The following DNAJC1 variants were observed in gnomAD, a reference collection of about 807,000 sequenced individuals.
The protein encoded by DNAJC1 is DnaJ heat shock protein family (Hsp40) member C1, also known as dnaJ homolog subfamily C member 1.
DNAJC1 carries 58 observed loss-of-function variants against 76.6 expected under a neutral mutation model. The observed-to-expected ratio is 0.76, with a 90% CI of 0.61 to 0.94. DNAJC1 has a LOEUF of 0.94. Among genes scored for constraint, DNAJC1 ranks in the 40% least tolerant of loss-of-function variants. The probability of loss-of-function intolerance (pLI) is 0.00; values close to 1 mark genes in which losing one functional copy is unlikely to be tolerated. For synonymous variants in DNAJC1, 258 were observed against 267.9 expected, an observed-to-expected ratio of 0.96 and a Z score of 0.36; for missense variants, 689 against 677.3, an observed-to-expected ratio of 1.02 and a Z score of -0.19.
chr10:21,967,333 T>C (rs149591066), intron 1 of DNAJC1, among the ~76,000 whole-genome samples: 1 of 152,308 alleles, frequency 6.6e-6, no homozygotes, highest in East Asian at 1.9e-4. Context: ...ACAATGTTTT[T>C]GAGGTTCATC....
intron 8 of DNAJC1, among the ~76,000 whole-genome samples, chr10:21,819,867 T>C (rs1432049349): frequency 6.6e-6 from 1 of 152,116 alleles, no homozygotes; most frequent in Non-Finnish European, 1.5e-5. Context: ...GAGGCAGAGG[T>C]TGTAGCGAGC....
intron 7 of DNAJC1, among the ~76,000 whole-genome samples, chr10:21,893,732 T>C (rs999456148): frequency 6.6e-6 from 1 of 151,510 alleles, no homozygotes; most frequent in South Asian, 2.1e-4. Flanking sequence ...AAAAAAAGCC[T>C]CAAATTAATA....
At position 21,959,799 on chromosome 10, in the gene DNAJC1, AC is replaced by A. The variant is rs1331657412; in HGVS notation, c.223-30659del. Among the ~76,000 whole-genome samples the A allele has an allele frequency of 5.9e-3, 493 of 83,556 alleles. 5 individuals are homozygous for A. The highest frequency in any genetic ancestry group is 0.028 in the African/African-American group (484 of 17,570). The allele number at this position is 83,556 out of a possible 152,430, so 54.8% of individuals were successfully genotyped here. A position where few individuals can be genotyped will look rare whatever the true frequency, so the allele number is the denominator to read the frequency against. On this transcript the variant is annotated intron_variant, in intron 1 of 11. Coordinates refer to ENST00000376980, the MANE Select transcript of DNAJC1 (RefSeq NM_022365.4). ...AGACTCCATCTCAAAAAAAACAAAA[AC>A]AAAAAAAAAAAAAAGAAGAGAGAAA...
At chr10:21,870,312 T>C (rs1254519578) in intron 8 of DNAJC1, among the ~76,000 whole-genome samples, 3 of 152,096 alleles carry the variant, frequency 2.0e-5, no homozygotes, top group African/African-American at 7.2e-5. Context: ...AACTTGATTT[T>C]TTAAAAACTT....
chr10:21,897,154 A>G (rs1400884782), intron 7 of DNAJC1, among the ~76,000 whole-genome samples: 1 of 152,222 alleles, frequency 6.6e-6, no homozygotes, highest in Non-Finnish European at 1.5e-5. Context: ...GACACTGACA[A>G]TTACAGACCA....
At chr10:21,993,403 T>C (rs1473930317) in intron 1 of DNAJC1, among the ~76,000 whole-genome samples, 2 of 152,172 alleles carry the variant, frequency 1.3e-5, no homozygotes, top group Non-Finnish European at 2.9e-5. Flanking sequence ...AGGCAGGGCA[T>C]CACTATCTCA....
chr10:21,896,632 T>C (rs1340609693), intron 7 of DNAJC1, among the ~76,000 whole-genome samples: 1 of 152,216 alleles, frequency 6.6e-6, no homozygotes, highest in Non-Finnish European at 1.5e-5. Flanking sequence ...GATAAGACTA[T>C]AGACCTTAAA....
intron 9 of DNAJC1, among the ~76,000 whole-genome samples, chr10:21,779,846 A>C (rs1834504136): frequency 6.6e-6 from 1 of 152,202 alleles, no homozygotes; most frequent in Non-Finnish European, 1.5e-5. Flanking sequence ...AAAAACCTTG[A>C]AAAAAGATTA....
intron 8 of DNAJC1, among the ~76,000 whole-genome samples, chr10:21,813,096 C>CATATATATATATATATAT (rs373917334): frequency 2.8e-4 from 33 of 117,290 alleles, no homozygotes; most frequent in African/African-American, 9.9e-4. Context: ...TACACACACA[C>CATATATATATATATATAT]ATATATATAT....
At chr10:21,909,287 G>A (rs1390306153) in intron 6 of DNAJC1, among the ~76,000 whole-genome samples, 1 of 152,244 alleles carries the variant, frequency 6.6e-6, no homozygotes, top group Non-Finnish European at 1.5e-5. Context: ...AATAATGTAT[G>A]AGTGTTCTTT....
chr10:21,982,900 A>T (rs1295234121), intron 1 of DNAJC1, among the ~76,000 whole-genome samples: 2 of 152,196 alleles, frequency 1.3e-5, no homozygotes, highest in East Asian at 3.9e-4. Context: ...AAATTTTTTT[A>T]AAAAATTAGC....
chr10:21,986,077 A>G (rs969003661), intron 1 of DNAJC1, among the ~76,000 whole-genome samples: 3 of 152,108 alleles, frequency 2.0e-5, no homozygotes, highest in South Asian at 2.1e-4. Flanking sequence ...AATACAAAAA[A>G]TTAGCCGGGT....
intron 1 of DNAJC1, among the ~76,000 whole-genome samples, chr10:21,974,395 C>T (rs1474606617): frequency 6.6e-6 from 1 of 152,094 alleles, no homozygotes; most frequent in African/African-American, 2.4e-5. Context: ...CTATGTAACC[C>T]GTGATGCAGC....
At chr10:21,995,839 A>G (rs1182535057) in intron 1 of DNAJC1, among the ~76,000 whole-genome samples, 1 of 152,214 alleles carries the variant, frequency 6.6e-6, no homozygotes, top group Non-Finnish European at 1.5e-5. Context: ...ATTTAGTATT[A>G]CATAAGATGG....
rs565100320 is a variant in DNAJC1 at position 21,867,669 on chromosome 10, G to C, written c.978+14613C>G. 1.1e-4 allele frequency among the ~76,000 whole-genome samples: 16 copies of C among 152,188 alleles called. No homozygotes were observed. The East Asian group carries it at 1.9e-3, about 18-fold the overall frequency. On this transcript the variant is annotated intron_variant, in intron 8 of 11. Transcript: ENST00000376980. ...GACCAACTGGTTCCCACATGGCACT[G>C]GATTTGACCTAGGTTTCACCTAGAA...
chr10:21,922,545 A>G (rs1837057578), intron 3 of DNAJC1, among the ~76,000 whole-genome samples: 1 of 151,992 alleles, frequency 6.6e-6, no homozygotes, highest in African/African-American at 2.4e-5. Context: ...TTCTTTTTCA[A>G]TGTTTATCGA....
chr10:21,960,379 A>G (rs1837769721), intron 1 of DNAJC1, among the ~76,000 whole-genome samples: 1 of 152,190 alleles, frequency 6.6e-6, no homozygotes, highest in Admixed American at 6.5e-5. Context: ...TTCGGGAATA[A>G]AAACATGTAA....
chr10:21,849,985 A>G (rs1350741008), intron 8 of DNAJC1, among the ~76,000 whole-genome samples: 2 of 152,174 alleles, frequency 1.3e-5, no homozygotes, highest in Non-Finnish European at 2.9e-5. Flanking sequence ...AATAGAGGTC[A>G]TTTGTGGAGA....
At chr10:21,760,143 C>T (rs1448144240) in intron 10 of DNAJC1, among the ~76,000 whole-genome samples, 1 of 152,102 alleles carries the variant, frequency 6.6e-6, no homozygotes, top group African/African-American at 2.4e-5. Context: ...ATTAGCTGGG[C>T]CTGGTGGTAT....
Sources: gnomAD v4.1 joint callset for allele counts (sites outside exome capture counted in the v4.1 genomes callset) on GRCh38, gnomAD v4.1.1 for gene constraint, MANE v1.5 for transcripts, NCBI Gene and HGNC (gene_info 2026-07-23, HGNC 2026-07-21) for gene names.